NIBAN1: variants seen among roughly 807,000 people sequenced by gnomAD.
The protein encoded by NIBAN1 is niban apoptosis regulator 1.
NIBAN1 carries 81 observed loss-of-function variants against 75.1 expected under a neutral mutation model. The ratio of observed to expected loss-of-function variants is 1.08; its 90% CI spans 0.90 to 1.30. NIBAN1 has a LOEUF of 1.30. NIBAN1 is among the 50% of genes most tolerant of loss of function. The probability of loss-of-function intolerance (pLI) is 0.00; values close to 1 mark genes in which losing one functional copy is unlikely to be tolerated. For missense variants in NIBAN1, 1,133 were observed against 1,128.1 expected, an observed-to-expected ratio of 1.00 and a Z score of -0.06; for synonymous variants, 436 against 424.8, an observed-to-expected ratio of 1.03 and a Z score of -0.32.
intron 8 of NIBAN1, among the ~76,000 whole-genome samples, chr1:184,821,925 A>G (rs1455277033): frequency 6.6e-6 from 1 of 152,130 alleles, no homozygotes; most frequent in African/African-American, 2.4e-5. Flanking sequence ...TCCTCTCAGC[A>G]GGACCTGTGC....
intron 5 of NIBAN1, among the ~76,000 whole-genome samples, chr1:184,864,228 T>C (rs1402631538): frequency 6.6e-6 from 1 of 152,220 alleles, no homozygotes; most frequent in Non-Finnish European, 1.5e-5. Flanking sequence ...AAAAGGATTG[T>C]TGTCAGCCTT....
intron 1 of NIBAN1, among the ~76,000 whole-genome samples, chr1:184,918,432 T>C (rs1291163359): frequency 1.3e-5 from 2 of 152,212 alleles, no homozygotes; most frequent in African/African-American, 2.4e-5. Context: ...CCTTGGGTTC[T>C]TCCAGGCTCT....
rs1452210513 is a variant in NIBAN1 at position 184,917,236 on chromosome 1, A to G, written c.56-17927T>C. On this transcript the variant is annotated intron_variant, in intron 1 of 13. Coordinates refer to ENST00000367511, the MANE Select transcript of NIBAN1 (RefSeq NM_052966.4). ...TTTTTTTTCTTTGAGATGAAGTCTC[A>G]CTCTGTCGCCCAGGCTGGAGTGCAG... Among the ~76,000 whole-genome samples the G allele has an allele frequency of 4.3e-5, 6 of 139,878 alleles. No homozygotes were observed. The South Asian group carries it at 6.7e-4, about 16-fold the overall frequency. 91.8% of individuals were successfully genotyped at this position (139,878 alleles called of 152,430 possible).
Position 184,795,962 on chromosome 1 carries a change from G to A in NIBAN1, c.1802C>T (p.Ala601Val). Residue 601 changes from alanine (A) to valine (V), a missense_variant, in exon 14 of 14, where the codon GCT becomes GTT. Ala to Val is a moderately conservative substitution (Grantham distance 64). Coordinates refer to ENST00000367511, the MANE Select transcript of NIBAN1 (RefSeq NM_052966.4). Reference protein sequence around the residue: ...GSNQASPARRASAILPGVLGS... With the variant: ...GSNQASPARRVSAILPGVLGS... ...CAGAACTCCTGGCAGAATGGCAGAA[G>A]CTCTCCTGGCAGGGCTGGCCTGGTT... 1 of 1,614,176 alleles carries A rather than the reference G, an allele frequency of 6.2e-7. No individual in the cohort carries two copies. Among genetic ancestry groups the A allele is most frequent in the Non-Finnish European group, 8.5e-7 (1 of 1,180,032 alleles).
chr1:184,955,521 T>C (rs1658467082), intron 1 of NIBAN1, among the ~76,000 whole-genome samples: 1 of 151,916 alleles, frequency 6.6e-6, no homozygotes, highest in South Asian at 2.1e-4. Context: ...TGTATTTTAG[T>C]AGAGACGGGG....
intron 1 of NIBAN1, among the ~76,000 whole-genome samples, chr1:184,927,747 G>C (rs1005371567): frequency 1.7e-4 from 26 of 152,024 alleles, no homozygotes; most frequent in Non-Finnish European, 7.4e-5. Flanking sequence ...AGAATGGTGA[G>C]TTCCCCCCAG....
intron 5 of NIBAN1, among the ~76,000 whole-genome samples, chr1:184,871,284 G>C (rs1557894814): frequency 6.9e-6 from 1 of 145,816 alleles, no homozygotes. Context: ...GAGGTGGAGG[G>C]TGCAATGAGC....
chr1:184,818,533 G>A (rs1382019939), intron 9 of NIBAN1, 105 bp downstream of exon 9: 7 of 1,134,826 alleles, frequency 6.2e-6, no homozygotes, highest in Non-Finnish European at 8.7e-6. Flanking sequence ...AAGAATGGAA[G>A]GAAGGAAAGA....
chr1:184,857,244 T>G (rs935554112), intron 5 of NIBAN1, among the ~76,000 whole-genome samples: 2 of 152,202 alleles, frequency 1.3e-5, no homozygotes, highest in African/African-American at 4.8e-5. Context: ...CAAGACACCA[T>G]GAACAAAGGC....
intron 5 of NIBAN1, among the ~76,000 whole-genome samples, chr1:184,866,898 T>C (rs867212496): frequency 1.9e-4 from 29 of 152,332 alleles, no homozygotes; most frequent in Middle Eastern, 6.8e-3. Flanking sequence ...GCAAGGTATC[T>C]ATGAAAGAAA....
intron 13 of NIBAN1, among the ~76,000 whole-genome samples, chr1:184,796,561 A>G (rs1653874556): frequency 6.6e-6 from 1 of 152,214 alleles, no homozygotes; most frequent in Non-Finnish European, 1.5e-5. Context: ...GGTACTCGGT[A>G]CTGCACATGC....
chr1:184,808,494 G>C (rs1051623192), intron 9 of NIBAN1, among the ~76,000 whole-genome samples: 7 of 152,122 alleles, frequency 4.6e-5, no homozygotes, highest in African/African-American at 1.7e-4. Flanking sequence ...CACCCACGGG[G>C]ACTCCAGTCT....
chr1:184,876,141 C>T (rs1333483185), intron 5 of NIBAN1, among the ~76,000 whole-genome samples: 11 of 150,748 alleles, frequency 7.3e-5, no homozygotes, highest in African/African-American at 2.7e-4. Flanking sequence ...CCATTGCATT[C>T]CAGCTTGGGT....
intron 12 of NIBAN1, among the ~76,000 whole-genome samples, chr1:184,799,569 G>A (rs1653973577): frequency 7.0e-6 from 1 of 142,310 alleles, no homozygotes; most frequent in South Asian, 2.4e-4. Flanking sequence ...GTAATGGGAT[G>A]GCTGGGTCAA....
chr1:184,831,236 G>A (rs1429232304), intron 6 of NIBAN1, among the ~76,000 whole-genome samples: 1 of 152,094 alleles, frequency 6.6e-6, no homozygotes, highest in Non-Finnish European at 1.5e-5. Context: ...GTACCACAGG[G>A]CACAGAAAAC....
intron 9 of NIBAN1, among the ~76,000 whole-genome samples, chr1:184,809,663 A>G (rs889223399): frequency 7.6e-6 from 1 of 132,118 alleles, no homozygotes; most frequent in Admixed American, 7.6e-5. Flanking sequence ...ACACATATAT[A>G]TGTGTGTGTG....
At position 184,894,993 on chromosome 1, in the gene NIBAN1, G is replaced by A. The variant is rs12073168; in HGVS notation, c.187-787C>T. Among the ~76,000 whole-genome samples the A allele has an allele frequency of 7.2e-3, 1,088 of 152,114 alleles. 19 individuals carry two copies. The East Asian group carries it at 0.073, about 10-fold the overall frequency. On this transcript the variant is annotated intron_variant, in intron 2 of 13. Transcript: ENST00000367511. ...GGCCTCTTTTCTTTTACATGTCACTGAGTTTACATCTATTTTCCCTTTATT... is the reference window on the plus strand; with the variant it reads ...GGCCTCTTTTCTTTTACATGTCACTAAGTTTACATCTATTTTCCCTTTATT...
intron 1 of NIBAN1, among the ~76,000 whole-genome samples, chr1:184,935,774 TAA>T (rs1228709267): frequency 2.0e-5 from 3 of 147,252 alleles, no homozygotes; most frequent in Non-Finnish European, 4.5e-5. Context: ...GGACACCAAC[TAA>T]GTCAAGAGTT....
At chr1:184,816,896 C>T (rs566488266) in intron 9 of NIBAN1, among the ~76,000 whole-genome samples, 1 of 151,640 alleles carries the variant, frequency 6.6e-6, no homozygotes, top group South Asian at 2.1e-4. Context: ...TTTTATTATA[C>T]TTTAAGTTCT....
Sources: allele counts gnomAD v4.1 joint callset (sites outside exome capture counted in the v4.1 genomes callset), GRCh38; gene constraint gnomAD v4.1.1; transcripts MANE v1.5; gene names NCBI Gene and HGNC (gene_info 2026-07-23, HGNC 2026-07-21).